The following RASGRF1 variants were observed in gnomAD, a reference collection of about 807,000 sequenced individuals.
RASGRF1 encodes Ras protein specific guanine nucleotide releasing factor 1.
A neutral mutation model predicts 138.7 loss-of-function variants in RASGRF1; 40 were observed. The ratio of observed to expected loss-of-function variants is 0.29; its 90% CI spans 0.22 to 0.38. The LOEUF is 0.38. Among genes scored for constraint, RASGRF1 ranks in the 10% least tolerant of loss-of-function variants. The pLI is 1.00. For synonymous variants in RASGRF1, 614 were observed against 663.2 expected, an observed-to-expected ratio of 0.93 and a Z score of 1.14; for missense variants, 1,108 against 1,650.4, an observed-to-expected ratio of 0.67 and a Z score of 5.69.
chr15:79,026,805 A>G (rs1336269519), intron 9 of RASGRF1, among the ~76,000 whole-genome samples: 1 of 152,114 alleles, frequency 6.6e-6, no homozygotes, highest in Admixed American at 6.5e-5. Context: ...GTGTGAGAAT[A>G]TTTCTGGCAC....
chr15:79,065,433 C>T (rs1478439438), intron 1 of RASGRF1, among the ~76,000 whole-genome samples: 1 of 151,888 alleles, frequency 6.6e-6, no homozygotes, highest in African/African-American at 2.4e-5. Flanking sequence ...ACCTGGGGTG[C>T]AGCTGAGAGG....
At chr15:78,972,540 C>A (rs11634268) in intron 25 of RASGRF1, among the ~76,000 whole-genome samples, 3,486 of 151,742 alleles carry the variant, frequency 0.023, 43 homozygotes, top group Non-Finnish European at 0.032. Flanking sequence ...ATCACTAGAA[C>A]AAAACCCCAC....
chr15:79,001,495 G>T (rs937737492), intron 16 of RASGRF1, among the ~76,000 whole-genome samples, 167 bp downstream of exon 16: 10 of 152,234 alleles, frequency 6.6e-5, no homozygotes, highest in Admixed American at 5.9e-4. Flanking sequence ...TTGGGGTGGC[G>T]GGGGGCGGGT....
intron 23 of RASGRF1, 166 bp from the exon 24 acceptor site, chr15:78,980,865 A>T: frequency 2.1e-6 from 1 of 478,916 alleles, no homozygotes; most frequent in Non-Finnish European, 3.7e-6. Flanking sequence ...TGAACTCCTC[A>T]GGAGTTGGGC....
rs148778889 is a variant in RASGRF1 at position 79,064,949 on chromosome 15, G to C, written c.277-423C>G. Among the ~76,000 whole-genome samples the C allele has an allele frequency of 3.5e-4, 54 of 152,328 alleles. 1 individual carries two copies. The East Asian group carries it at 0.01, about 29-fold the overall frequency. ...AGTGCCCTTCTAGGTCCTGGGGTTA[G>C]AGCGATGAGTAAACAGACACGGTCC... On this transcript the variant is annotated intron_variant, in intron 1 of 26. Transcript: ENST00000558480.
At chr15:79,016,165 T>C (rs1316076546) in intron 12 of RASGRF1, among the ~76,000 whole-genome samples, 2 of 152,208 alleles carry the variant, frequency 1.3e-5, no homozygotes, top group Non-Finnish European at 2.9e-5. Flanking sequence ...CTTCTTGGCA[T>C]AGCGATAGGG....
rs573439254 is a variant in RASGRF1, at chr15:79,041,327, G to A, written c.878+5419C>T. ...AAGTCCACCCACCCCTGTGCAATGC[G>A]AATGGTGCTCCCAGAATTGTGCAGT... On this transcript the variant is annotated intron_variant, in intron 5 of 26. Coordinates refer to ENST00000558480, the MANE Select transcript of RASGRF1 (RefSeq NM_001145648.3). Among the ~76,000 whole-genome samples the A allele has an allele frequency of 2.6e-5, 4 of 152,336 alleles. No individual in the cohort carries two copies. The East Asian group carries it at 5.8e-4, about 22-fold the overall frequency.
rs538806214 is a variant in RASGRF1, at chr15:79,073,217, A to G, written c.277-8691T>C. Among the ~76,000 whole-genome samples the G allele has an allele frequency of 5.9e-5, 9 of 152,050 alleles. No individual in the cohort carries two copies. Among genetic ancestry groups the G allele is most frequent in the Non-Finnish European group, 1.3e-4 (9 of 68,012 alleles). ...ACAGGCCTACTAGAGTTGCTGGAATAGATCTAGTATCCCCCGCAGTCCTCC... is the reference window on the plus strand; with the variant it reads ...ACAGGCCTACTAGAGTTGCTGGAATGGATCTAGTATCCCCCGCAGTCCTCC... On this transcript the variant is annotated intron_variant, in intron 1 of 26. Coordinates refer to ENST00000558480, the MANE Select transcript of RASGRF1 (RefSeq NM_001145648.3). This position sits in a 1 kb window ranked among gnomAD's most constrained non-coding sequence, Gnocchi z 4.2.
chr15:79,085,931 T>C (rs1185979154), intron 1 of RASGRF1, among the ~76,000 whole-genome samples: 1 of 152,238 alleles, frequency 6.6e-6, no homozygotes, highest in Non-Finnish European at 1.5e-5. Context: ...TTTCTGATCC[T>C]CACCACACTG....
chr15:78,991,955 G>A (rs1295434366), intron 20 of RASGRF1, among the ~76,000 whole-genome samples, 161 bp from the exon 21 acceptor site: 1 of 152,200 alleles, frequency 6.6e-6, no homozygotes, highest in Non-Finnish European at 1.5e-5. Context: ...GATGGAGTAT[G>A]ATGAGGGGAG....
chr15:79,024,221 C>T (rs62652901), intron 10 of RASGRF1, among the ~76,000 whole-genome samples: 71,675 of 151,668 alleles, frequency 0.47, 18,424 homozygotes, highest in South Asian at 0.63. Flanking sequence ...TACACATAGA[C>T]ACACAGACAC....
intron 22 of RASGRF1, among the ~76,000 whole-genome samples, chr15:78,987,295 T>C (rs1002336617): frequency 5.3e-5 from 8 of 151,506 alleles, no homozygotes; most frequent in Non-Finnish European, 8.8e-5. Flanking sequence ...TATTTATTCA[T>C]GGTTAAATCC....
chr15:79,021,461 G>A (rs2056959987), intron 10 of RASGRF1, among the ~76,000 whole-genome samples: 1 of 152,212 alleles, frequency 6.6e-6, no homozygotes, highest in African/African-American at 2.4e-5. Context: ...GCCCAGTGAT[G>A]TCACTGAGCT....
In RASGRF1 at chr15:79,006,697, G is replaced by A. The variant is rs1273025156; in HGVS notation, c.1827-263C>T. On this transcript the variant is annotated intron_variant, in intron 13 of 26. Coordinates refer to ENST00000558480, the MANE Select transcript of RASGRF1 (RefSeq NM_001145648.3). The surrounding 1 kb of genome is among the most constrained non-coding windows in gnomAD (Gnocchi z 4.0). ...ACATTTGTTGTTGAGTTCACAAGAC[G>A]TAAGGAACTCTGTTTACACAAATGT... Among the ~76,000 whole-genome samples, 1 of 152,220 alleles carries A rather than the reference G, an allele frequency of 6.6e-6. No homozygotes were observed. Among genetic ancestry groups the A allele is most frequent in the East Asian group, 1.9e-4 (1 of 5,200 alleles).
intron 24 of RASGRF1, chr15:78,979,086 G>A (rs8038472): frequency 0.13 from 173,607 of 1,289,832 alleles, 12,309 homozygotes; most frequent in African/African-American, 0.2. Flanking sequence ...GGGGGCGGAC[G>A]GACGGACAAG....
At chr15:79,057,236 C>T (rs1717202636) in intron 3 of RASGRF1, among the ~76,000 whole-genome samples, 2 of 152,368 alleles carry the variant, frequency 1.3e-5, no homozygotes, top group Non-Finnish European at 2.9e-5. Context: ...TGCAGGCTGG[C>T]AGTGCCAGGG....
intron 26 of RASGRF1, among the ~76,000 whole-genome samples, chr15:78,970,621 CAAAAA>C (rs55689628): frequency 6.9e-5 from 4 of 57,906 alleles, no homozygotes; most frequent in African/African-American, 2.4e-4. Context: ...GACTCTGTCT[CAAAAA>C]AAAAAAAAAA....
At chr15:78,998,863 G>T in intron 17 of RASGRF1, 38 bp from the exon 18 acceptor site, 2 of 1,526,542 alleles carry the variant, frequency 1.3e-6, no homozygotes, top group Non-Finnish European at 1.8e-6. Flanking sequence ...GAGGACAGGT[G>T]AGGACAAGAA....
chr15:79,088,818 G>C (rs2058015740), intron 1 of RASGRF1, among the ~76,000 whole-genome samples: 1 of 152,214 alleles, frequency 6.6e-6, no homozygotes, highest in Admixed American at 6.5e-5. Flanking sequence ...TTGAGCTGAA[G>C]CTTAAGGAGC....
Sources: allele counts gnomAD v4.1 joint callset (sites outside exome capture counted in the v4.1 genomes callset), GRCh38; gene constraint gnomAD v4.1.1; non-coding constraint Gnocchi (gnomAD v3.1); transcripts MANE v1.5; gene names NCBI Gene and HGNC (gene_info 2026-07-23, HGNC 2026-07-21).